CIMIP2A: variants seen among roughly 807,000 people sequenced by gnomAD.
CIMIP2A encodes the protein ciliary microtubule inner protein 2A.
the CIMIP2A span, chr9:137,253,257 C>T: frequency 1.2e-6 from 2 of 1,601,028 alleles, no homozygotes; most frequent in African/African-American, 1.3e-5. Flanking sequence ...GCCAGCTGGG[C>T]ACAACCTGCT....
chr9:137,244,147 T>C, the CIMIP2A span: 4 of 1,610,898 alleles, frequency 2.5e-6, no homozygotes, highest in South Asian at 1.1e-5. Flanking sequence ...GGTGTGTCCA[T>C]GTGACCCTGC....
the CIMIP2A span, chr9:137,245,726 G>C: frequency 6.2e-7 from 1 of 1,602,574 alleles, no homozygotes; most frequent in Non-Finnish European, 8.5e-7. Context: ...ATGAACTTGG[G>C]TTTGGACATG....
the CIMIP2A span, chr9:137,244,751 A>ATGTAC: frequency 6.2e-7 from 1 of 1,610,770 alleles, no homozygotes; most frequent in Non-Finnish European, 8.5e-7. Context: ...GGGTAGGCAG[A>ATGTAC]TGTACGGGCT....
chr9:137,247,435 C>T, the CIMIP2A span, among the ~76,000 whole-genome samples: 1 of 152,266 alleles, frequency 6.6e-6, no homozygotes, highest in Non-Finnish European at 1.5e-5. Flanking sequence ...CGCAGCTGCA[C>T]ACCAGCAGGG....
chr9:137,252,877 T>C, the CIMIP2A span: 2 of 1,590,954 alleles, frequency 1.3e-6, no homozygotes, highest in Non-Finnish European at 1.7e-6. Flanking sequence ...ACACCTACAA[T>C]ATCCTTCCTG....
the CIMIP2A span, chr9:137,244,655 A>C: frequency 6.2e-7 from 1 of 1,613,824 alleles, no homozygotes; most frequent in South Asian, 1.1e-5. Flanking sequence ...GCTCTTGTCG[A>C]ATTCGTCCAT....
the CIMIP2A span, among the ~76,000 whole-genome samples, chr9:137,248,924 AGT>A: frequency 6.6e-6 from 1 of 152,236 alleles, no homozygotes; most frequent in African/African-American, 2.4e-5. Context: ...AAAAGTTTGC[AGT>A]AAGTGCTATG....
the CIMIP2A span, chr9:137,252,828 C>A: frequency 6.4e-7 from 1 of 1,569,496 alleles, no homozygotes; most frequent in Non-Finnish European, 8.6e-7. Context: ...CTGCTTCAGG[C>A]CTCTTTGCAG....
chr9:137,252,803 G>A, the CIMIP2A span: 1 of 1,564,500 alleles, frequency 6.4e-7, no homozygotes. Flanking sequence ...GGGCCTCAGG[G>A]TGCAGCCCCA....
chr9:137,244,694 A>G, the CIMIP2A span: 5 of 1,613,690 alleles, frequency 3.1e-6, no homozygotes, highest in Non-Finnish European at 4.2e-6. Context: ...TCGGTAATTC[A>G]ACCCCATTAC....
the CIMIP2A span, among the ~76,000 whole-genome samples, chr9:137,254,545 T>C: frequency 6.6e-6 from 1 of 152,322 alleles, no homozygotes; most frequent in South Asian, 2.1e-4. Flanking sequence ...GGAAGAAGCC[T>C]TCAAGGAAGA....
the CIMIP2A span, chr9:137,251,764 G>A: frequency 6.3e-7 from 1 of 1,579,932 alleles, no homozygotes; most frequent in Non-Finnish European, 8.6e-7. Context: ...CTGTTGTTGG[G>A]CCCGGAGCCG....
At chr9:137,252,922 C>G in the CIMIP2A span, 7 of 1,600,102 alleles carry the variant, frequency 4.4e-6, no homozygotes, top group Non-Finnish European at 5.1e-6. Context: ...CGCCGGCCTT[C>G]TCGATGAGCC....
the CIMIP2A span, chr9:137,251,661 A>G: frequency 6.0e-6 from 9 of 1,492,942 alleles, no homozygotes; most frequent in Non-Finnish European, 8.1e-6. Flanking sequence ...CTGAGGGACA[A>G]TAGAGGGGAC....
At chr9:137,252,526 G>A in the CIMIP2A span, 2 of 1,571,566 alleles carry the variant, frequency 1.3e-6, no homozygotes, top group South Asian at 2.3e-5. Context: ...AGAGCAAAAG[G>A]TTGGGGGCTG....
the CIMIP2A span, among the ~76,000 whole-genome samples, chr9:137,246,021 C>T: frequency 3.5e-4 from 54 of 152,220 alleles, no homozygotes; most frequent in African/African-American, 1.0e-3. Flanking sequence ...TGCAGTGGCA[C>T]TTGCCTTCTA....
chr9:137,244,308 C>T, the CIMIP2A span: 3 of 1,612,998 alleles, frequency 1.9e-6, no homozygotes, highest in African/African-American at 1.3e-5. Context: ...CAGGAAGGTG[C>T]TAACAAGCTC....
the CIMIP2A span, chr9:137,252,709 C>T: frequency 1.5e-5 from 24 of 1,552,916 alleles, no homozygotes; most frequent in South Asian, 3.6e-5. Flanking sequence ...CCGCCTTCCC[C>T]GCCTTCAGCT....
At chr9:137,251,401 C>G in the CIMIP2A span, 1 of 1,604,076 alleles carries the variant, frequency 6.2e-7, no homozygotes, top group South Asian at 1.1e-5. Flanking sequence ...CACCCAGTAA[C>G]TGGCGGAGAG....
Sources: gnomAD v4.1 joint callset for allele counts (sites outside exome capture counted in the v4.1 genomes callset) on GRCh38, gnomAD v4.1.1 for gene constraint, MANE v1.5 for transcripts, NCBI Gene and HGNC (gene_info 2026-07-23, HGNC 2026-07-21) for gene names.